Variants in NPFFR1 observed in about 807,000 individuals in gnomAD.
The protein encoded by NPFFR1 is G-protein coupled receptor 147.
NPFFR1 carries 17 observed loss-of-function variants against 12.7 expected under a neutral mutation model. That is an observed-to-expected ratio of 1.34 (90% confidence interval 0.92 to 2.01). The LOEUF (loss-of-function observed/expected upper bound fraction) is 2.01, where lower values mean the gene tolerates loss of function less well. Among genes scored for constraint, NPFFR1 ranks in the 30% most tolerant of loss-of-function variants. The pLI is 0.00. For synonymous variants in NPFFR1, 296 were observed against 264.5 expected, an observed-to-expected ratio of 1.12 and a Z score of -1.16; for missense variants, 604 against 606.5, an observed-to-expected ratio of 1.00 and a Z score of 0.04.
chr10:70,283,240 A>T (rs527384878), intron 1 of NPFFR1, among the ~76,000 whole-genome samples: 76 of 148,470 alleles, frequency 5.1e-4, no homozygotes, highest in South Asian at 3.6e-3. Context: ...TCTCTCTCTC[A>T]CACACACACA....
chr10:70,281,886 T>A (rs1319837288), intron 1 of NPFFR1, among the ~76,000 whole-genome samples: 2 of 152,166 alleles, frequency 1.3e-5, no homozygotes, highest in Non-Finnish European at 2.9e-5. Flanking sequence ...TTTGAAAAAA[T>A]TCTGAGCTGA....
At chr10:70,282,093 G>T (rs1370014275) in intron 1 of NPFFR1, among the ~76,000 whole-genome samples, 1 of 152,150 alleles carries the variant, frequency 6.6e-6, no homozygotes, top group African/African-American at 2.4e-5. Context: ...TTCCTCAAAA[G>T]CAATGATTAT....
At chr10:70,272,067 A>T (rs1840748533) in intron 1 of NPFFR1, among the ~76,000 whole-genome samples, 1 of 151,500 alleles carries the variant, frequency 6.6e-6, no homozygotes, top group Non-Finnish European at 1.5e-5. Flanking sequence ...CAATGAGCTG[A>T]GATCGTGCCA....
chr10:70,267,820 C>A (rs370440161), intron 1 of NPFFR1, among the ~76,000 whole-genome samples: 1 of 152,092 alleles, frequency 6.6e-6, no homozygotes, highest in Non-Finnish European at 1.5e-5. Flanking sequence ...GCAGGGCCAG[C>A]GAGCTGGCAT....
chr10:70,282,589 G>T (rs985049307), intron 1 of NPFFR1, among the ~76,000 whole-genome samples: 2 of 152,166 alleles, frequency 1.3e-5, no homozygotes, highest in South Asian at 4.2e-4. Context: ...TGGAATTTTG[G>T]GGTTTTATTA....
At chr10:70,266,724 G>T (rs1376192677) in intron 1 of NPFFR1, among the ~76,000 whole-genome samples, 2 of 152,178 alleles carry the variant, frequency 1.3e-5, no homozygotes, top group Admixed American at 6.5e-5. Flanking sequence ...CATTGCCCTG[G>T]TTCCCTTGTC....
rs1241629185 is a variant in NPFFR1, at chr10:70,252,252, T to C, written c.*2705A>G. On this transcript the variant is annotated 3_prime_UTR_variant, in exon 4 of 4. Coordinates refer to ENST00000277942, the MANE Select transcript of NPFFR1 (RefSeq NM_022146.5). ...ACAACATGGATGAACCTTGAAGACA[T>C]TGTGCTAAGTGAAAGAAGCCAGTCA... 6.6e-6 allele frequency: 1 copy of C among 152,264 alleles called. No homozygotes were observed. The highest frequency in any genetic ancestry group is 1.5e-5 in the Non-Finnish European group (1 of 68,080). 9.4% of individuals were successfully genotyped at this position (152,264 alleles called of 1,614,324 possible). A position where few individuals can be genotyped will look rare whatever the true frequency, so the allele number is the denominator to read the frequency against.
chr10:70,274,324 C>T (rs1405511257), intron 1 of NPFFR1, among the ~76,000 whole-genome samples: 1 of 152,208 alleles, frequency 6.6e-6, no homozygotes, highest in Admixed American at 6.5e-5. Context: ...TGGCACATGC[C>T]TGTAATCCCA....
At chr10:70,267,875 G>A (rs1272687769) in intron 1 of NPFFR1, among the ~76,000 whole-genome samples, 1 of 152,176 alleles carries the variant, frequency 6.6e-6, no homozygotes, top group Non-Finnish European at 1.5e-5. Flanking sequence ...GGTGAGTGTT[G>A]GGATGGGGCA....
chr10:70,276,313 C>G (rs1840803925), intron 1 of NPFFR1, among the ~76,000 whole-genome samples: 1 of 152,174 alleles, frequency 6.6e-6, no homozygotes, highest in African/African-American at 2.4e-5. Context: ...CGAGGCATCA[C>G]TGCTTGGAGT....
At chr10:70,270,019 A>G (rs755277606) in intron 1 of NPFFR1, among the ~76,000 whole-genome samples, 6 of 152,058 alleles carry the variant, frequency 3.9e-5, no homozygotes, top group Non-Finnish European at 7.4e-5. Context: ...CATCTGGTTT[A>G]TGTTCATCAA....
chr10:70,249,483 T>TTAG lies in NPFFR1; in HGVS notation c.*5473_*5474insCTA, dbSNP rs1840488216. The TTAG allele has an allele frequency of 6.6e-6, 1 of 151,772 alleles. No homozygotes were observed. Among genetic ancestry groups the TTAG allele is most frequent in the Admixed American group, 6.6e-5 (1 of 15,224 alleles). 9.4% of individuals were successfully genotyped at this position (151,772 alleles called of 1,614,324 possible). A position where few individuals can be genotyped will look rare whatever the true frequency, so the allele number is the denominator to read the frequency against. ...CTAAAGTCTCTACAATAAAATATTA[T>TTAG]TATTATTATTATTATTTGAGATGGA... On this transcript the variant is annotated 3_prime_UTR_variant, in exon 4 of 4. Transcript: ENST00000277942.
In NPFFR1 at chr10:70,255,374, G is replaced by A. The variant is rs551670625; in HGVS notation, c.876C>T (p.Leu292=). The A allele has an allele frequency of 5.8e-6, 9 of 1,553,214 alleles. No individual in the cohort carries two copies. In the African/African-American group the frequency reaches 1.2e-4, roughly 21 times the overall value. ...GCGCGCTGAGCTGCCCGTAGTCGAT[G>A]AGCAGCAGCAGCGCCCAGAGCGGCA... is the stretch of plus-strand genomic sequence containing the variant. ...SWLPLWALLL[L]IDYGQLSAPQ... Residue 292 remains leucine (L), a synonymous_variant, in exon 4 of 4, where the codon CTC becomes CTT. Coordinates refer to ENST00000277942, the MANE Select transcript of NPFFR1 (RefSeq NM_022146.5). The surrounding 1 kb of genome is among the most constrained non-coding windows in gnomAD (Gnocchi z 4.2).
intron 1 of NPFFR1, among the ~76,000 whole-genome samples, chr10:70,279,062 C>A (rs1564598177): frequency 6.6e-6 from 1 of 152,030 alleles, no homozygotes; most frequent in Non-Finnish European, 1.5e-5. Flanking sequence ...TTAAATCAAG[C>A]CAGTTAACAT....
chr10:70,272,211 G>GAAAGAAAGAGAGAGA (rs10664195), intron 1 of NPFFR1, among the ~76,000 whole-genome samples: 19 of 55,820 alleles, frequency 3.4e-4, no homozygotes, highest in Non-Finnish European at 5.5e-4. Flanking sequence ...AAGAAAGAAA[G>GAAAGAAAGAGAGAGA]GAAAGAAAGA....
chr10:70,252,607 A>AT lies in NPFFR1; in HGVS notation c.*2349dup, dbSNP rs1840521790. 2 of 152,242 alleles carry AT rather than the reference A, an allele frequency of 1.3e-5. No individual in the cohort carries two copies. Among genetic ancestry groups the AT allele is most frequent in the South Asian group, 4.1e-4 (2 of 4,836 alleles). The allele number at this position is 152,242 out of a possible 1,614,324, so 9.4% of individuals were successfully genotyped here. On this transcript the variant is annotated 3_prime_UTR_variant, in exon 4 of 4. Transcript: ENST00000277942. ...CAATGTCTCACTGCTTCATTAAAGC[A>AT]TTGTCATGCCTGTTATCACTCAGAT...
chr10:70,271,029 G>A (rs985487525), intron 1 of NPFFR1, among the ~76,000 whole-genome samples: 5 of 152,154 alleles, frequency 3.3e-5, no homozygotes, highest in African/African-American at 9.7e-5. Context: ...CTTGGGACTG[G>A]GGCCTAGCTA....
At chr10:70,276,269 A>T (rs1840803476) in intron 1 of NPFFR1, among the ~76,000 whole-genome samples, 1 of 152,168 alleles carries the variant, frequency 6.6e-6, no homozygotes, top group Non-Finnish European at 1.5e-5. Context: ...ATAGAAGAGG[A>T]CACCTAACCC....
intron 3 of NPFFR1, among the ~76,000 whole-genome samples, chr10:70,260,379 C>T (rs1434945084): frequency 6.6e-6 from 1 of 152,208 alleles, no homozygotes; most frequent in Non-Finnish European, 1.5e-5. Flanking sequence ...GAGCTCCTCA[C>T]AGGCCCCAGG....
Sources: allele counts gnomAD v4.1 joint callset (sites outside exome capture counted in the v4.1 genomes callset), GRCh38; gene constraint gnomAD v4.1.1; non-coding constraint Gnocchi (gnomAD v3.1); transcripts MANE v1.5; gene names NCBI Gene and HGNC (gene_info 2026-07-23, HGNC 2026-07-21).